The following CTBP2 variants were observed in gnomAD, a reference collection of about 807,000 sequenced individuals.
CTBP2 encodes C-terminal-binding protein 2.
Under a neutral mutation model 80.3 loss-of-function variants are expected in CTBP2, and 30 were observed. The ratio of observed to expected loss-of-function variants is 0.37; its 90% CI spans 0.28 to 0.51. The LOEUF (loss-of-function observed/expected upper bound fraction) is 0.51. CTBP2 is among the 20% of genes least tolerant of loss of function. The probability of loss-of-function intolerance (pLI) is 0.93; values close to 1 mark genes in which losing one functional copy is unlikely to be tolerated. For missense variants in CTBP2, 1,212 were observed against 1,375.3 expected (o/e 0.88, Z 1.88); for synonymous variants, 594 against 587.4 (o/e 1.01, Z -0.16).
At chr10:125,060,225 T>A (rs946363571) in intron 2 of CTBP2, among the ~76,000 whole-genome samples, 2 of 132,578 alleles carry the variant, frequency 1.5e-5, no homozygotes, top group Non-Finnish European at 1.6e-5. Flanking sequence ...TCCACAGAAA[T>A]GCTGCCAAGG....
chr10:125,034,771 C>T (rs547831540), intron 3 of CTBP2, among the ~76,000 whole-genome samples: 2 of 152,246 alleles, frequency 1.3e-5, no homozygotes, highest in African/African-American at 4.8e-5. Flanking sequence ...CTACTCAGAA[C>T]AAAAACAAAT....
chr10:125,143,092 C>T (rs1462491450), intron 1 of CTBP2, among the ~76,000 whole-genome samples: 2 of 152,126 alleles, frequency 1.3e-5, no homozygotes, highest in African/African-American at 4.8e-5. Flanking sequence ...CCAGATAAAC[C>T]CTCCTTGCTC....
intron 1 of CTBP2, among the ~76,000 whole-genome samples, chr10:125,130,473 C>T (rs1855983861): frequency 6.6e-6 from 1 of 152,164 alleles, no homozygotes; most frequent in Admixed American, 6.5e-5. Context: ...CCAAATGCCA[C>T]ACGACTTGGA....
At position 125,150,601 on chromosome 10, in the gene CTBP2, C is replaced by A. The variant is rs1488760999; in HGVS notation, c.-206+9718G>T. Among the ~76,000 whole-genome samples the A allele has an allele frequency of 2.0e-5, 3 of 152,034 alleles. No homozygotes were observed. In the East Asian group the frequency reaches 6.0e-4, roughly 30 times the overall value. ...CTAGCCAGACTTAATTACCTAAGCT[C>A]CCTGGCCCTGACTCTTCATTGGTAA... On this transcript the variant is annotated intron_variant, in intron 1 of 10. Coordinates refer to the CTBP2 transcript ENST00000337195.
At chr10:124,994,713 G>A (rs1953225570) in intron 4 of CTBP2, 30 bp from the exon 7 acceptor site, 1 of 1,609,894 alleles carries the variant, frequency 6.2e-7, no homozygotes, top group Non-Finnish European at 8.5e-7. Flanking sequence ...CCAGGTGAGT[G>A]AGTCCACAGC....
chr10:125,027,822 A>T lies in CTBP2; in HGVS notation c.-63T>A. The T allele has an allele frequency of 6.9e-7, 1 of 1,452,558 alleles. No homozygotes were observed. Among genetic ancestry groups the T allele is most frequent in the Non-Finnish European group, 9.0e-7 (1 of 1,105,490 alleles). The allele number at this position is 1,452,558 out of a possible 1,614,324, so 90.0% of individuals were successfully genotyped here. A position where few individuals can be genotyped will look rare whatever the true frequency, so the allele number is the denominator to read the frequency against. The stretch of plus-strand genomic sequence containing the variant: ...CTTTTCTTTATAAATCTTCAATTAC[A>T]TACATCAAAAACAGACCTGGCTGTG... On this transcript the variant is annotated 5_prime_UTR_variant, in exon 1 of 9. Coordinates refer to ENST00000309035, the MANE Select transcript of CTBP2 (RefSeq NM_022802.3).
chr10:125,009,864 G>A (rs561103674), intron 1 of CTBP2, among the ~76,000 whole-genome samples: 7 of 152,324 alleles, frequency 4.6e-5, no homozygotes, highest in African/African-American at 9.6e-5. Context: ...TGGGAGCCTC[G>A]TGTTGTCAAG....
intron 2 of CTBP2, among the ~76,000 whole-genome samples, chr10:125,064,731 G>A (rs926432632): frequency 1.1e-4 from 17 of 152,186 alleles, no homozygotes; most frequent in African/African-American, 3.6e-4. Context: ...TTCCCGCCAC[G>A]CCAGTGTCCC....
chr10:125,038,670 G>T (rs1026416725), intron 3 of CTBP2, among the ~76,000 whole-genome samples: 2 of 152,126 alleles, frequency 1.3e-5, no homozygotes, highest in African/African-American at 4.8e-5. Context: ...TGAGATTTCA[G>T]GAAGTGAAAA....
intron 8 of CTBP2, among the ~76,000 whole-genome samples, chr10:124,990,042 G>GT (rs74920887): frequency 0.012 from 1,650 of 138,826 alleles, 13 homozygotes; most frequent in East Asian, 0.026. Context: ...CTGGCTAATA[G>GT]TTTTTTTTTT....
At chr10:125,142,457 TG>T (rs1230986275) in intron 1 of CTBP2, among the ~76,000 whole-genome samples, 1 of 152,126 alleles carries the variant, frequency 6.6e-6, no homozygotes, top group African/African-American at 2.4e-5. Context: ...ATTTCCTTAG[TG>T]GTGGCTGGAG....
chr10:125,082,698 G>A (rs778061036), intron 2 of CTBP2, among the ~76,000 whole-genome samples: 3 of 149,592 alleles, frequency 2.0e-5, no homozygotes, highest in Admixed American at 1.3e-4. Flanking sequence ...AGTGATTTTC[G>A]TGCCTTAGCC....
chr10:125,130,035 TTC>T (rs954898582), intron 1 of CTBP2, among the ~76,000 whole-genome samples: 5 of 101,528 alleles, frequency 4.9e-5, no homozygotes, highest in East Asian at 3.6e-4. Flanking sequence ...CCCACAGGAT[TTC>T]TCTCTTTTTT....
chr10:125,112,430 G>GTTTT (rs59714965), intron 1 of CTBP2, among the ~76,000 whole-genome samples: 1 of 92,340 alleles, frequency 1.1e-5, no homozygotes, highest in Non-Finnish European at 2.3e-5. Flanking sequence ...TACCTTTTTC[G>GTTTT]TTTTTTTTTT....
chr10:125,145,338 G>A (rs1161341146), intron 1 of CTBP2, among the ~76,000 whole-genome samples: 1 of 152,046 alleles, frequency 6.6e-6, no homozygotes, highest in African/African-American at 2.4e-5. Context: ...TCCTGGCCAG[G>A]GGTGCCTTGG....
chr10:125,025,275 G>A (rs1237353631), intron 1 of CTBP2, among the ~76,000 whole-genome samples: 1 of 152,178 alleles, frequency 6.6e-6, no homozygotes, highest in Non-Finnish European at 1.5e-5. Context: ...AGACTCTAGA[G>A]TTAAAATAAA....
chr10:125,089,920 T>C (rs1848520766), intron 2 of CTBP2, among the ~76,000 whole-genome samples: 1 of 152,178 alleles, frequency 6.6e-6, no homozygotes, highest in East Asian at 1.9e-4. Flanking sequence ...TGCACACTGA[T>C]GTTGTCCTTG....
chr10:125,040,808 T>C (rs1590262951), intron 2 of CTBP2, among the ~76,000 whole-genome samples: 1 of 152,146 alleles, frequency 6.6e-6, no homozygotes, highest in East Asian at 1.9e-4. Flanking sequence ...ACGGCTAATT[T>C]CCCAGCAACG....
intron 6 of CTBP2, 54 bp from the exon 9 acceptor site, chr10:124,993,383 G>A (rs1312786579): frequency 1.9e-6 from 3 of 1,569,312 alleles, no homozygotes; most frequent in Admixed American, 1.7e-5. Flanking sequence ...TACGCTCCCT[G>A]CCCTCCTCAG....
Sources: allele counts gnomAD v4.1 joint callset (sites outside exome capture counted in the v4.1 genomes callset), GRCh38; gene constraint gnomAD v4.1.1; transcripts MANE v1.5; gene names NCBI Gene and HGNC (gene_info 2026-07-23, HGNC 2026-07-21).